Variants in MIER3 observed in about 807,000 individuals in gnomAD.
MIER3 encodes the protein mesoderm induction early response protein 3.
MIER3 carries 9 observed loss-of-function variants against 63.2 expected under a neutral mutation model. That is an observed-to-expected ratio of 0.14 (90% CI 0.09 to 0.25). The LOEUF is 0.25. Ranked by LOEUF, MIER3 falls within the 10% of genes least tolerant of loss-of-function variation. MIER3 has a pLI of 1.00. For synonymous variants in MIER3, 205 were observed against 224.9 expected (o/e 0.91, Z 0.79); for missense variants, 512 against 666.2 (o/e 0.77, Z 2.55).
chr5:56,928,663 G>T (rs1750122030), intron 10 of MIER3, 104 bp downstream of exon 10: 5 of 669,296 alleles, frequency 7.5e-6, no homozygotes, highest in Non-Finnish European at 1.2e-5. Flanking sequence ...TGCTATAAGG[G>T]AACATTAGTA....
chr5:56,948,814 C>T (rs377125299), intron 2 of MIER3, among the ~76,000 whole-genome samples: 2 of 152,170 alleles, frequency 1.3e-5, no homozygotes, highest in East Asian at 3.8e-4. Context: ...CTGACTCTTT[C>T]ACCTCTTTGG....
Position 56,920,441 on chromosome 5 carries a change from G to A in MIER3, c.*2687C>T, listed in dbSNP as rs1156734508. 2.0e-5 allele frequency: 3 copies of A among 152,104 alleles called. No homozygotes were observed. Among genetic ancestry groups the A allele is most frequent in the African/African-American group, 7.3e-5 (3 of 41,320 alleles). 9.4% of individuals were successfully genotyped at this position (152,104 alleles called of 1,614,324 possible). ...TTGGTTTGTTCATAAGAAAATAATGGGGCAAAGGAAAAAAAAACAAAAAGA... is the reference window on the plus strand; with the variant it reads ...TTGGTTTGTTCATAAGAAAATAATGAGGCAAAGGAAAAAAAAACAAAAAGA... On this transcript the variant is annotated 3_prime_UTR_variant, in exon 13 of 13. Transcript: ENST00000381199.
In MIER3 at chr5:56,940,232, CTAGT is replaced by C. The variant is rs1352343910; in HGVS notation, c.181-1219_181-1216del. Among the ~76,000 whole-genome samples, 38 of 152,244 alleles carry C rather than the reference CTAGT, an allele frequency of 2.5e-4. 1 individual carries two copies. Among genetic ancestry groups the C allele is most frequent in the East Asian group, 9.6e-4 (5 of 5,206 alleles). On this transcript the variant is annotated intron_variant, in intron 3 of 12. Transcript: ENST00000381199. The stretch of plus-strand genomic sequence containing the variant: ...AACCTCAAAACAATATACTCACGAA[CTAGT>C]TAATCTGTTAAACATTTTTAAGATT...
chr5:56,951,123 A>G (rs1321667833), intron 1 of MIER3, among the ~76,000 whole-genome samples: 2 of 152,032 alleles, frequency 1.3e-5, no homozygotes, highest in Non-Finnish European at 2.9e-5. Flanking sequence ...CCAACTCCGA[A>G]GCCGATCTCT....
chr5:56,946,890 C>T lies in MIER3; in HGVS notation c.180+36G>A, dbSNP rs565089656. ...TAAAATTACAACAGAATTTCAAAAT[C>T]TTTGTTAAGTTTGTATATTAAAGTA... On this transcript the variant is annotated intron_variant, in intron 3 of 12. Coordinates refer to ENST00000381199, the MANE Select transcript of MIER3 (RefSeq NM_001297599.2). The T allele has an allele frequency of 8.0e-6, 11 of 1,372,248 alleles. No individual in the cohort carries two copies. In the Admixed American group the frequency reaches 2.4e-4, roughly 30 times the overall value. The allele number at this position is 1,372,248 out of a possible 1,614,324, so 85.0% of individuals were successfully genotyped here.
At chr5:56,936,216 CA>C (rs112687216) in intron 5 of MIER3, among the ~76,000 whole-genome samples, 46,112 of 146,986 alleles carry the variant, frequency 0.31, 7,478 homozygotes, top group East Asian at 0.55. Context: ...GACTCCATCT[CA>C]AAAAAAAAAG....
intron 2 of MIER3, 42 bp from the exon 3 acceptor site, chr5:56,947,113 C>A (rs771828145): frequency 8.3e-6 from 13 of 1,557,244 alleles, no homozygotes; most frequent in Non-Finnish European, 1.1e-5. Context: ...ATTTACAAGG[C>A]TATTAACAAA....
chr5:56,952,055 G>C, intron 1 of MIER3, 39 bp downstream of exon 1: 1 of 1,269,378 alleles, frequency 7.9e-7, no homozygotes, highest in Non-Finnish European at 1.0e-6. Flanking sequence ...CCGGGCGCCC[G>C]CTCCAGCCCG....
chr5:56,947,150 C>T, intron 2 of MIER3, 79 bp from the exon 3 acceptor site: 2 of 1,421,476 alleles, frequency 1.4e-6, no homozygotes, highest in African/African-American at 1.5e-5. Flanking sequence ...TGTTCTTCTG[C>T]CAGTCCCTTT....
At chr5:56,934,276 TAG>T (rs1312151654) in intron 7 of MIER3, among the ~76,000 whole-genome samples, 1 of 152,120 alleles carries the variant, frequency 6.6e-6, no homozygotes, top group Non-Finnish European at 1.5e-5. Context: ...CATTGCCAGT[TAG>T]AAGGAAAGTT....
Position 56,923,922 on chromosome 5 carries a change from C to G in MIER3, c.1045G>C (p.Gly349Arg). Residue 349 changes from glycine to arginine, a missense_variant, in exon 11 of 13, where the codon GGA becomes CGA. Physicochemically the swap from Gly to Arg is moderately radical, Grantham distance 125. This residue lies in a region of MIER3 where 34 missense variants were observed against 86.3 expected (regional missense o/e 0.39). Transcript: ENST00000381199. ...FGKKRYNHHP[G>R]VTDYMDRLVD... Reference sequence around the variant, plus strand: ...CAAGGCCACAGTACTTACGTAACTCCAGGGTGATGGTTATATCTTTTTTTC... The same window carrying G: ...CAAGGCCACAGTACTTACGTAACTCGAGGGTGATGGTTATATCTTTTTTTC... 1 of 1,614,044 alleles carries G rather than the reference C, an allele frequency of 6.2e-7. No individual in the cohort carries two copies. The highest frequency in any genetic ancestry group is 8.5e-7 in the Non-Finnish European group (1 of 1,179,992).
Position 56,938,941 on chromosome 5 carries a change from C to T in MIER3, c.257G>A (p.Ser86Asn). Residue 86 changes from serine (S) to asparagine (N), a missense_variant, in exon 4 of 13, where the codon AGT becomes AAT. Ser to Asn is a conservative substitution (Grantham distance 46, BLOSUM62 1). Transcript: ENST00000381199. ...EPTIPAVANS[S>N]ANSSPSELAD... Reference sequence around the variant, plus strand: ...CAGTTCACTTGGGGAACTATTTGCACTGGAATTTGCAACTGCTGGAATTGT... The same window carrying T: ...CAGTTCACTTGGGGAACTATTTGCATTGGAATTTGCAACTGCTGGAATTGT... 4 of 1,614,154 alleles carry T rather than the reference C, an allele frequency of 2.5e-6. No homozygotes were observed. The highest frequency in any genetic ancestry group is 3.4e-6 in the Non-Finnish European group (4 of 1,180,022).
At chr5:56,951,552 C>T (rs72644089) in intron 1 of MIER3, among the ~76,000 whole-genome samples, 22,980 of 152,158 alleles carry the variant, frequency 0.15, 2,088 homozygotes, top group East Asian at 0.27. Flanking sequence ...CCGGTGGCCC[C>T]GCATCCCGCT....
Position 56,937,578 on chromosome 5 carries a change from A to T in MIER3, c.436T>A (p.Ser146Thr), listed in dbSNP as rs373122531. ...TSDFFPRPLR[S>T]NTACDGDKES... ...ATCAGTAATCCACTGGGTTTCTTAC[A>T]TCGTAAAGGCCTAGGGAAGAAATCA... The change falls in exon 5 of 13, where the codon TCA (serine) becomes ACA (threonine). Residue 146 changes from serine to threonine, a missense_variant and splice_region_variant. By Grantham distance (58) the Ser-to-Thr change is moderately conservative. Transcript: ENST00000381199. 1 of 1,602,874 alleles carries T rather than the reference A, an allele frequency of 6.2e-7. No homozygotes were observed. The highest frequency in any genetic ancestry group is 8.5e-7 in the Non-Finnish European group (1 of 1,174,130).
intron 7 of MIER3, among the ~76,000 whole-genome samples, chr5:56,934,036 TTA>T: frequency 6.6e-6 from 1 of 152,222 alleles, no homozygotes; most frequent in African/African-American, 2.4e-5. Flanking sequence ...TAAAACAAGT[TTA>T]TGTTTTATTA....
chr5:56,937,075 A>C (rs905611436), intron 5 of MIER3: 7 of 150,890 alleles, frequency 4.6e-5, no homozygotes, highest in African/African-American at 7.3e-5. Flanking sequence ...ATTTTATCTT[A>C]TTATTATTAT....
intron 2 of MIER3, among the ~76,000 whole-genome samples, chr5:56,948,438 G>A (rs1435911380): frequency 6.6e-6 from 1 of 151,974 alleles, no homozygotes; most frequent in African/African-American, 2.4e-5. Context: ...CCGAAGTGGG[G>A]GGATCACCTG....
intron 8 of MIER3, 143 bp from the exon 9 acceptor site, chr5:56,930,888 G>A (rs1245967470): frequency 4.4e-6 from 3 of 683,068 alleles, no homozygotes; most frequent in African/African-American, 3.6e-5. Context: ...AGGTATATTT[G>A]CCCAAGCATT....
chr5:56,935,876 C>T (rs1446750803), intron 5 of MIER3, 125 bp from the exon 6 acceptor site: 25 of 680,164 alleles, frequency 3.7e-5, no homozygotes, highest in Non-Finnish European at 6.3e-5. Flanking sequence ...AAACCACCTG[C>T]ATGTTTCTCA....
Sources: allele counts gnomAD v4.1 joint callset (sites outside exome capture counted in the v4.1 genomes callset), GRCh38; gene constraint gnomAD v4.1.1; regional missense constraint gnomAD v4.1.1; transcripts MANE v1.5; gene names NCBI Gene and HGNC (gene_info 2026-07-23, HGNC 2026-07-21).